The following NEB variants were observed in gnomAD, a reference collection of about 807,000 sequenced individuals.
NEB encodes the protein nebulin.
NEB carries 512 observed loss-of-function variants against 952.2 expected under a neutral mutation model. That is an observed-to-expected ratio of 0.54 (90% CI 0.50 to 0.58). The LOEUF is 0.58. Among genes scored for constraint, NEB ranks in the 20% least tolerant of loss-of-function variants. The pLI, the probability that NEB is intolerant of heterozygous loss-of-function variation, is 0.00. For synonymous variants in NEB, 2,900 were observed against 3,149.8 expected, an observed-to-expected ratio of 0.92 and a Z score of 2.66; for missense variants, 8,428 against 9,231.1, an observed-to-expected ratio of 0.91 and a Z score of 3.56.
intron 72 of NEB, among the ~76,000 whole-genome samples, 162 bp downstream of exon 72, chr2:151,620,757 G>A (rs1203279531): frequency 6.6e-6 from 1 of 152,160 alleles, no homozygotes; most frequent in Non-Finnish European, 1.5e-5. Context: ...CTATGCCTCT[G>A]TGATGCTTGT....
intron 181 of NEB, among the ~76,000 whole-genome samples, 191 bp from the exon 182 acceptor site, chr2:151,486,124 A>G (rs948980723): frequency 1.3e-5 from 2 of 152,196 alleles, no homozygotes; most frequent in Non-Finnish European, 2.9e-5. Flanking sequence ...CTGATAGGCA[A>G]TTAATATCCA....
At chr2:151,511,262 C>T (rs2074030519) in intron 161 of NEB, among the ~76,000 whole-genome samples, 3 of 152,146 alleles carry the variant, frequency 2.0e-5, no homozygotes, top group Admixed American at 2.0e-4. Flanking sequence ...TTTTAAAAAG[C>T]TAATTATTCT....
At chr2:151,510,344 G>A (rs544356078) in intron 161 of NEB, among the ~76,000 whole-genome samples, 170 of 152,302 alleles carry the variant, frequency 1.1e-3, no homozygotes, top group African/African-American at 3.8e-3. Context: ...AGGCCTAGCC[G>A]AAACTTTTGG....
chr2:151,630,284 A>C (rs1291775176), intron 67 of NEB, among the ~76,000 whole-genome samples: 1 of 152,116 alleles, frequency 6.6e-6, no homozygotes, highest in Non-Finnish European at 1.5e-5. Flanking sequence ...CCTTATGCCT[A>C]AGGTTTTCTT....
chr2:151,541,411 T>C, intron 136 of NEB, 36 bp downstream of exon 136: 1 of 1,526,632 alleles, frequency 6.6e-7, no homozygotes, highest in Non-Finnish European at 9.0e-7. Flanking sequence ...CCCCCTGTGA[T>C]GCCTGAGTGG....
chr2:151,553,920 T>C lies in NEB; in HGVS notation c.19534A>G (p.Ile6512Val), dbSNP rs2095480638. The part of the protein sequence containing the change: ...AKDSQKKVSE[I>V]DYRLRLHEWI... The stretch of plus-strand genomic sequence containing the variant: ...TCGTGGAGGCGCAGGCGGTAATCAA[T>C]CTCACTGACTTTCTTCTGGGAATCC... The change falls in exon 126 of 182, where the codon ATT (isoleucine) becomes GTT (valine). Residue 6512 changes from isoleucine to valine, a missense_variant. By Grantham distance (29) the Ile-to-Val change is conservative. Around this residue, in one of 11 missense-constraint regions of NEB, gnomAD observed 3,374 missense variants for 3,651.5 expected, o/e 0.92. Coordinates refer to ENST00000397345, the MANE Select transcript of NEB (RefSeq NM_001164508.2). 8 of 1,613,916 alleles carry C rather than the reference T, an allele frequency of 5.0e-6. No homozygotes were observed. The highest frequency in any genetic ancestry group is 6.8e-6 in the Non-Finnish European group (8 of 1,179,808).
intron 173 of NEB, among the ~76,000 whole-genome samples, chr2:151,494,619 T>C (rs1218093706): frequency 6.6e-6 from 1 of 152,134 alleles, no homozygotes; most frequent in Non-Finnish European, 1.5e-5. Context: ...CTGTTCCTAA[T>C]ACATCAGCTG....
At chr2:151,535,156 T>C (rs1441330284) in intron 142 of NEB, among the ~76,000 whole-genome samples, 3 of 152,142 alleles carry the variant, frequency 2.0e-5, no homozygotes, top group Non-Finnish European at 4.4e-5. Flanking sequence ...CTGGATAAAA[T>C]AGAAAGAAAA....
intron 52 of NEB, among the ~76,000 whole-genome samples, 180 bp downstream of exon 52, chr2:151,653,812 C>A (rs572841396): frequency 6.6e-6 from 1 of 152,024 alleles, no homozygotes; most frequent in South Asian, 2.1e-4. Flanking sequence ...TTCAGGAAGC[C>A]CTTTTGACAT....
intron 44 of NEB, 93 bp from the exon 45 acceptor site, chr2:151,663,952 G>C: frequency 7.9e-7 from 1 of 1,273,772 alleles, no homozygotes; most frequent in South Asian, 1.6e-5. Context: ...TAGATGAAGG[G>C]TTTTAGAGCT....
At chr2:151,638,587 T>C (rs753063012) in intron 63 of NEB, among the ~76,000 whole-genome samples, 5 of 152,222 alleles carry the variant, frequency 3.3e-5, no homozygotes, top group Non-Finnish European at 7.3e-5. Flanking sequence ...CCAGAACGAA[T>C]GGACTGATTT....
chr2:151,560,574 T>C lies in NEB; in HGVS notation c.19314+18A>G, dbSNP rs2095975102. Reference sequence around the variant, plus strand: ...GGGAGGGAGGGTGGGAAAGCTGTCATGTTTTTGCTTTACTTACATGGCTGG... The same window carrying C: ...GGGAGGGAGGGTGGGAAAGCTGTCACGTTTTTGCTTTACTTACATGGCTGG... On this transcript the variant is annotated intron_variant, in intron 124 of 181. Transcript: ENST00000397345. 1 of 1,579,622 alleles carries C rather than the reference T, an allele frequency of 6.3e-7. No individual in the cohort carries two copies. The highest frequency in any genetic ancestry group is 1.1e-5 in the South Asian group (1 of 87,208).
intron 155 of NEB, 75 bp from the exon 156 acceptor site, chr2:151,518,497 G>C (rs1295114834): frequency 1.3e-5 from 12 of 915,598 alleles, no homozygotes; most frequent in Non-Finnish European, 2.0e-5. Context: ...CTTTAGATTA[G>C]ACGTTTACAC....
chr2:151,685,642 T>C (rs1576311363), intron 27 of NEB, among the ~76,000 whole-genome samples: 1 of 152,338 alleles, frequency 6.6e-6, no homozygotes, highest in East Asian at 1.9e-4. Context: ...CGTACAGCAT[T>C]ATAAACCAAA....
chr2:151,630,723 A>C lies in NEB; in HGVS notation c.9715T>G (p.Tyr3239Asp). The C allele has an allele frequency of 1.9e-6, 3 of 1,605,376 alleles. No individual in the cohort carries two copies. Among genetic ancestry groups the C allele is most frequent in the Non-Finnish European group, 2.6e-6 (3 of 1,174,884 alleles). ...IMLARQNKIN[Y>D]SETLYKLANE... ...CAGATTTTTGCTCCTACCTCACTGT[A>C]GTTGATTTTGTTCTGCCTTGCCAAC... Residue 3239 changes from tyrosine to aspartate, a missense_variant, in exon 67 of 182, where the codon TAC becomes GAC. Physicochemically the swap from Tyr to Asp is radical, Grantham distance 160. Around this residue, in one of 11 missense-constraint regions of NEB, gnomAD observed 1,772 missense variants for 1,960.3 expected, o/e 0.90. Coordinates refer to ENST00000397345, the MANE Select transcript of NEB (RefSeq NM_001164508.2).
Position 151,650,232 on chromosome 2 carries a change from T to A in NEB, c.7375A>T (p.Ile2459Phe). 1.9e-6 allele frequency: 3 copies of A among 1,613,980 alleles called. No homozygotes were observed. The highest frequency in any genetic ancestry group is 1.7e-6 in the Non-Finnish European group (2 of 1,179,856). ...AGAACTATATCCATGGCATCAGGAA[T>A]GCTGGTGAACTTGTTTCTGTCTGGA... is the stretch of plus-strand genomic sequence containing the variant. ...QPPDRNKFTSIPDAMDIVLAK... is the reference protein window; with the variant it reads ...QPPDRNKFTSFPDAMDIVLAK... The change falls in exon 54 of 182, where the codon ATT (isoleucine) becomes TTT (phenylalanine). Residue 2459 changes from isoleucine to phenylalanine, a missense_variant. Coordinates refer to ENST00000397345, the MANE Select transcript of NEB (RefSeq NM_001164508.2).
chr2:151,698,635 A>ATT (rs1269569080), intron 13 of NEB, among the ~76,000 whole-genome samples: 81 of 130,538 alleles, frequency 6.2e-4, no homozygotes, highest in South Asian at 5.3e-3. Context: ...TACTTCATTA[A>ATT]TTTTTTTTTT....
intron 142 of NEB, among the ~76,000 whole-genome samples, chr2:151,535,441 T>C (rs1264414008): frequency 6.6e-6 from 1 of 152,206 alleles, no homozygotes; most frequent in East Asian, 1.9e-4. Flanking sequence ...TGCTGCCCTG[T>C]GTTTGTGCAG....
chr2:151,519,730 C>G lies in NEB; in HGVS notation c.22518G>C (p.Lys7506Asn). 4 of 1,613,014 alleles carry G rather than the reference C, an allele frequency of 2.5e-6. No homozygotes were observed. The highest frequency in any genetic ancestry group is 3.4e-6 in the Non-Finnish European group (4 of 1,179,278). Residue 7506 changes from lysine (K) to asparagine (N), a missense_variant, in exon 154 of 182, where the codon AAG becomes AAC. Transcript: ENST00000397345. ...TGTCTTTTGGATTGTATTTTGGTGT[C>G]TTGCCCTTTTCTTTATCGAAATTTT... ...YRENFDKEKGKTPKYNPKDSQ... is the reference protein window; with the variant it reads ...YRENFDKEKGNTPKYNPKDSQ...
Sources: gnomAD v4.1 joint callset for allele counts (sites outside exome capture counted in the v4.1 genomes callset) on GRCh38, gnomAD v4.1.1 for gene constraint, gnomAD v4.1.1 regional missense constraint, MANE v1.5 for transcripts, NCBI Gene and HGNC (gene_info 2026-07-23, HGNC 2026-07-21) for gene names.